SLC27A2: variants seen among roughly 807,000 people sequenced by gnomAD.
SLC27A2 encodes the protein long-chain fatty acid transport protein 2.
Under a neutral mutation model 60.0 loss-of-function variants are expected in SLC27A2, and 54 were observed. The ratio of observed to expected loss-of-function variants is 0.90; its 90% CI spans 0.72 to 1.13. SLC27A2 has a LOEUF of 1.13. Ranked by LOEUF, SLC27A2 falls within the 50% of genes most tolerant of loss-of-function variation. The pLI is 0.00. For missense variants in SLC27A2, 739 were observed against 777.6 expected, an observed-to-expected ratio of 0.95 and a Z score of 0.59; for synonymous variants, 297 against 297.6, an observed-to-expected ratio of 1.00 and a Z score of 0.02.
Position 50,201,716 on chromosome 15 carries a change from C to T in SLC27A2, c.689-771C>T, listed in dbSNP as rs535673132. ...GACTATAGGCACCCACCACCACGCCCGGCTAATTTTTTGTATTTTTAGTAG... is the reference window on the plus strand; with the variant it reads ...GACTATAGGCACCCACCACCACGCCTGGCTAATTTTTTGTATTTTTAGTAG... On this transcript the variant is annotated intron_variant, in intron 2 of 9. Coordinates refer to ENST00000267842, the MANE Select transcript of SLC27A2 (RefSeq NM_003645.4). 1.9e-4 allele frequency among the ~76,000 whole-genome samples: 29 copies of T among 152,032 alleles called. No homozygotes were observed. The South Asian group carries it at 5.4e-3, about 28-fold the overall frequency.
chr15:50,198,377 A>G (rs940118705), intron 2 of SLC27A2: 21 of 151,994 alleles, frequency 1.4e-4, no homozygotes, highest in Admixed American at 1.1e-3. Context: ...GAGCTTTACA[A>G]CATTTGTTGA....
chr15:50,197,718 A>T lies in SLC27A2; in HGVS notation c.688+9A>T. The T allele has an allele frequency of 6.3e-7, 1 of 1,598,414 alleles. No individual in the cohort carries two copies. The highest frequency in any genetic ancestry group is 1.1e-5 in the South Asian group (1 of 90,432). ...TACTTCTGGAACCACAGGTAAAAAT[A>T]AAGGGGGGATTCTCCAAAAAAATTA... On this transcript the variant is annotated intron_variant, in intron 2 of 9. Transcript: ENST00000267842.
intron 8 of SLC27A2, 105 bp downstream of exon 8, chr15:50,229,147 C>A (rs2045298685): frequency 1.4e-6 from 1 of 711,156 alleles, no homozygotes; most frequent in South Asian, 1.8e-5. Context: ...CAGAGTTAAA[C>A]AGTTCTTTCA....
At chr15:50,196,696 C>T (rs1228800759) in intron 1 of SLC27A2, among the ~76,000 whole-genome samples, 1 of 152,050 alleles carries the variant, frequency 6.6e-6, no homozygotes, top group Non-Finnish European at 1.5e-5. Flanking sequence ...TTTAACAATC[C>T]ACTACTGTAA....
intron 3 of SLC27A2, among the ~76,000 whole-genome samples, chr15:50,204,754 G>A (rs2045096797): frequency 6.7e-6 from 1 of 150,194 alleles, no homozygotes; most frequent in Non-Finnish European, 1.5e-5. Flanking sequence ...AAAAAATAGA[G>A]CAAGACTCTG....
At chr15:50,190,769 T>C (rs551744114) in intron 1 of SLC27A2, among the ~76,000 whole-genome samples, 1 of 152,332 alleles carries the variant, frequency 6.6e-6, no homozygotes, top group South Asian at 2.1e-4. Flanking sequence ...GTGGGTTTAT[T>C]TCAGTCTACA....
At chr15:50,225,199 A>C (rs2045270794) in intron 5 of SLC27A2, among the ~76,000 whole-genome samples, 1 of 152,218 alleles carries the variant, frequency 6.6e-6, no homozygotes. Flanking sequence ...CATAGACTTG[A>C]ATATAAATTT....
intron 1 of SLC27A2, among the ~76,000 whole-genome samples, chr15:50,189,054 C>T (rs562287708): frequency 2.3e-4 from 34 of 150,682 alleles, no homozygotes; most frequent in African/African-American, 4.4e-4. Context: ...TACATACATA[C>T]ATACATAATG....
chr15:50,194,284 A>G (rs551418936), intron 1 of SLC27A2, among the ~76,000 whole-genome samples: 1 of 152,296 alleles, frequency 6.6e-6, no homozygotes, highest in Non-Finnish European at 1.5e-5. Context: ...AAGAAGTGCT[A>G]CCTACACTGA....
At chr15:50,224,382 GT>G (rs1216751926) in intron 5 of SLC27A2, among the ~76,000 whole-genome samples, 11 of 152,202 alleles carry the variant, frequency 7.2e-5, no homozygotes, top group Admixed American at 6.5e-5. Flanking sequence ...GGAGCTTGCA[GT>G]GAGTCGAGAT....
At chr15:50,191,929 A>G (rs2044977442) in intron 1 of SLC27A2, among the ~76,000 whole-genome samples, 1 of 151,996 alleles carries the variant, frequency 6.6e-6, no homozygotes, top group African/African-American at 2.4e-5. Context: ...GCATGGTGAC[A>G]GCCGCCTGTA....
chr15:50,215,897 C>T (rs59627287), intron 4 of SLC27A2, among the ~76,000 whole-genome samples: 28,198 of 152,088 alleles, frequency 0.19, 3,204 homozygotes, highest in East Asian at 0.32. Context: ...TAGACATTGA[C>T]TTAGGCAAGG....
rs936889169 is a variant in SLC27A2, at chr15:50,224,331, T to C, written c.1167+1172T>C. ...GGCGGGAGCCTGTAATCCCAGCTAC[T>C]CGGGAGGCTGAGGCAGGAGAATGGC... On this transcript the variant is annotated intron_variant, in intron 5 of 9. Coordinates refer to ENST00000267842, the MANE Select transcript of SLC27A2 (RefSeq NM_003645.4). 1.2e-4 allele frequency among the ~76,000 whole-genome samples: 18 copies of C among 152,100 alleles called. No homozygotes were observed. In the East Asian group the frequency reaches 3.3e-3, roughly 28 times the overall value.
chr15:50,209,922 T>C (rs183793182), intron 4 of SLC27A2, among the ~76,000 whole-genome samples: 2 of 152,018 alleles, frequency 1.3e-5, no homozygotes, highest in African/African-American at 4.8e-5. Flanking sequence ...AACTACATAG[T>C]ATAGGAAGCT....
intron 3 of SLC27A2, among the ~76,000 whole-genome samples, chr15:50,204,372 A>C (rs897520512): frequency 1.1e-4 from 17 of 152,238 alleles, no homozygotes; most frequent in African/African-American, 4.1e-4. Context: ...AGGCTGAGGC[A>C]CGAGAACCCA....
chr15:50,230,235 CCAAAAAAA>C (rs772417111), intron 8 of SLC27A2, among the ~76,000 whole-genome samples: 1 of 123,434 alleles, frequency 8.1e-6, no homozygotes, highest in Non-Finnish European at 1.7e-5. Flanking sequence ...CTCTGTCTCA[CCAAAAAAA>C]AAAAAAAAAA....
chr15:50,211,064 G>A (rs536924405), intron 4 of SLC27A2, among the ~76,000 whole-genome samples: 1 of 152,312 alleles, frequency 6.6e-6, no homozygotes, highest in South Asian at 2.1e-4. Flanking sequence ...TGGTATCAGA[G>A]GACAAAGAAC....
At chr15:50,216,862 AT>A (rs1373665756) in intron 4 of SLC27A2, among the ~76,000 whole-genome samples, 3 of 146,366 alleles carry the variant, frequency 2.0e-5, no homozygotes, top group Non-Finnish European at 4.5e-5. Flanking sequence ...ATATCCATAA[AT>A]ATATATATAT....
chr15:50,222,990 T>G lies in SLC27A2; in HGVS notation c.998T>G (p.Val333Gly). Residue 333 changes from valine to glycine, a missense_variant, in exon 5 of 10, where the codon GTG (valine) becomes GGG (glycine). Val to Gly is a moderately radical substitution (Grantham distance 109). Transcript: ENST00000267842. The part of the protein sequence containing the change: ...PQKPNDRDHK[V>G]RLALGNGLRG... The stretch of plus-strand genomic sequence containing the variant: ...AAACCAAATGACCGTGATCATAAAG[T>G]GAGACTGGCACTGGGAAATGGCTTA... The G allele has an allele frequency of 6.2e-7, 1 of 1,612,216 alleles. No individual in the cohort carries two copies. The highest frequency in any genetic ancestry group is 8.5e-7 in the Non-Finnish European group (1 of 1,179,284).
Sources: gnomAD v4.1 joint callset for allele counts (sites outside exome capture counted in the v4.1 genomes callset) on GRCh38, gnomAD v4.1.1 for gene constraint, MANE v1.5 for transcripts, NCBI Gene and HGNC (gene_info 2026-07-23, HGNC 2026-07-21) for gene names.